Variants in PCM1 observed in about 807,000 individuals in gnomAD.
PCM1 encodes pericentriolar material 1 protein.
Under a neutral mutation model 241.9 loss-of-function variants are expected in PCM1, and 157 were observed. That is an observed-to-expected ratio of 0.65 (90% confidence interval 0.57 to 0.74). The LOEUF is 0.74. PCM1 is among the 30% of genes least tolerant of loss of function. The pLI is 0.00. For missense variants in PCM1, 3,478 were observed against 2,360.1 expected, an observed-to-expected ratio of 1.47 and a Z score of -9.81; for synonymous variants, 1,085 against 784.9, an observed-to-expected ratio of 1.38 and a Z score of -6.39.
intron 29 of PCM1, among the ~76,000 whole-genome samples, chr8:18,004,375 C>T (rs1588288964): frequency 6.6e-6 from 1 of 152,036 alleles, no homozygotes; most frequent in Non-Finnish European, 1.5e-5. Flanking sequence ...AATAGGTTTT[C>T]CATTTGACCT....
chr8:17,979,342 G>A lies in PCM1; in HGVS notation c.3944-1249G>A, dbSNP rs189454311. Among the ~76,000 whole-genome samples the A allele has an allele frequency of 6.6e-5, 10 of 152,270 alleles. No homozygotes were observed. In the East Asian group the frequency reaches 9.6e-4, roughly 15 times the overall value. ...ATGGTAGTAAATATTGGAAAAGGAA[G>A]GAAGCAAGTTTTATGTGTTCTTTTC... On this transcript the variant is annotated intron_variant, in intron 23 of 38. Coordinates refer to ENST00000325083, the MANE Select transcript of PCM1 (RefSeq NM_006197.4).
chr8:17,938,751 A>C lies in PCM1; in HGVS notation c.354A>C (p.Gly118=), dbSNP rs1464630872. 6.2e-7 allele frequency: 1 copy of C among 1,609,790 alleles called. No individual in the cohort carries two copies. The change falls in exon 5 of 39, where the codon GGA becomes GGC. Residue 118 remains glycine (G), a synonymous_variant. Coordinates refer to ENST00000325083, the MANE Select transcript of PCM1 (RefSeq NM_006197.4). ...NFSDLDQRSI[G]SDSQGRATAA... ...TTTTTCATATATAGAGAAGCATTGG[A>C]AGTGATTCCCAAGGTAGAGCAACAG...
intron 9 of PCM1, among the ~76,000 whole-genome samples, chr8:17,954,401 T>G (rs1485144668): frequency 2.1e-5 from 3 of 140,084 alleles, no homozygotes; most frequent in Admixed American, 1.5e-4. Flanking sequence ...CACTCCAGCC[T>G]GGGCAACAAA....
intron 21 of PCM1, among the ~76,000 whole-genome samples, chr8:17,968,105 A>C (rs1224449035): frequency 6.6e-6 from 1 of 152,156 alleles, no homozygotes. Flanking sequence ...AATAGAATTT[A>C]TTTCCAGAGA....
rs143473924 is a variant in PCM1, at chr8:17,985,499, T to A, written c.4161T>A (p.Ser1387=). 4.6e-5 allele frequency: 72 copies of A among 1,571,546 alleles called. No homozygotes were observed. The East Asian group carries it at 1.5e-3, about 32-fold the overall frequency. ...MFEALRDTIY[S]EVATLISQNE... is the part of the protein sequence containing the mutation. ...AAGCTTTGCGAGATACTATTTATTC[T>A]GAAGTAGCTACATTAATTTCTCAAA... The change falls in exon 25 of 39, where the codon TCT becomes TCA. Residue 1387 remains serine, a synonymous_variant. Transcript: ENST00000325083.
intron 23 of PCM1, among the ~76,000 whole-genome samples, chr8:17,974,657 T>C (rs2078032326): frequency 6.6e-6 from 1 of 152,218 alleles, no homozygotes. Context: ...TTTTAATTTT[T>C]CTGAAACCCC....
In PCM1 at chr8:18,028,767, T is replaced by C. The variant is rs185612220; in HGVS notation, c.*1105T>C. ...ATAGATTCTTCTTCCTCGAATAAAA[T>C]ACAAAGAATTAGTTCCAATAAGTAT... On this transcript the variant is annotated 3_prime_UTR_variant, in exon 39 of 39. Transcript: ENST00000325083. 4 of 193,192 alleles carry C rather than the reference T, an allele frequency of 2.1e-5. No homozygotes were observed. The highest frequency in any genetic ancestry group is 4.3e-5 in the Non-Finnish European group (4 of 92,374). 12.0% of individuals were successfully genotyped at this position (193,192 alleles called of 1,614,324 possible).
rs62498177 is a variant in PCM1 at position 17,955,004 on chromosome 8, G to A, written c.1289-466G>A. On this transcript the variant is annotated intron_variant, in intron 9 of 38. Transcript: ENST00000325083. The stretch of plus-strand genomic sequence containing the variant: ...CCCTGATCTGTGGGTATGAAAAACT[G>A]ATGAAGACCTAATCAGCTACAGCTA... 3.3e-5 allele frequency among the ~76,000 whole-genome samples: 5 copies of A among 151,904 alleles called. No homozygotes were observed. In the South Asian group the frequency reaches 1.0e-3, roughly 32 times the overall value.
At chr8:17,941,021 C>G (rs1040616796) in intron 6 of PCM1, among the ~76,000 whole-genome samples, 15 of 152,098 alleles carry the variant, frequency 9.9e-5, no homozygotes, top group Non-Finnish European at 4.4e-5. Flanking sequence ...TAATTCTTAC[C>G]TGCCTCCTTT....
intron 2 of PCM1, among the ~76,000 whole-genome samples, chr8:17,930,248 C>G (rs937361887): frequency 2.6e-5 from 4 of 151,800 alleles, no homozygotes; most frequent in African/African-American, 9.7e-5. Flanking sequence ...CTACAGGTGC[C>G]CGCCACCACG....
At chr8:18,024,022 G>C (rs1246659220) in intron 36 of PCM1, among the ~76,000 whole-genome samples, 1 of 152,172 alleles carries the variant, frequency 6.6e-6, no homozygotes, top group Non-Finnish European at 1.5e-5. Context: ...ATGGAGATCA[G>C]GCCTGAAAAT....
chr8:18,021,929 T>C (rs946358345), intron 36 of PCM1, among the ~76,000 whole-genome samples: 4 of 152,222 alleles, frequency 2.6e-5, no homozygotes, highest in African/African-American at 9.6e-5. Context: ...CAAAAGTCTA[T>C]TTCTACCAGC....
At chr8:17,942,706 T>G (rs1278687582) in intron 6 of PCM1, among the ~76,000 whole-genome samples, 1 of 149,700 alleles carries the variant, frequency 6.7e-6, no homozygotes, top group African/African-American at 2.5e-5. Context: ...ATAAAAAGAG[T>G]TTGAATAGGC....
intron 6 of PCM1, chr8:17,940,143 G>A: frequency 6.5e-7 from 1 of 1,543,874 alleles, no homozygotes; most frequent in Non-Finnish European, 8.7e-7. Context: ...TGCAGTCTGA[G>A]GCTTCAGATA....
At chr8:17,930,101 CTTTTTTT>C (rs3988353) in intron 2 of PCM1, among the ~76,000 whole-genome samples, 1 of 109,292 alleles carries the variant, frequency 9.1e-6, no homozygotes. Flanking sequence ...GGAATACTTC[CTTTTTTT>C]TTTTTTTTTT....
At chr8:17,956,031 T>G (rs556598688) in intron 10 of PCM1, 16 of 240,614 alleles carry the variant, frequency 6.6e-5, no homozygotes, top group African/African-American at 3.5e-4. Context: ...AAGCCTGTAT[T>G]TCCTCATCTG....
intron 5 of PCM1, among the ~76,000 whole-genome samples, 155 bp from the exon 6 acceptor site, chr8:17,939,536 G>C (rs907603960): frequency 3.3e-5 from 5 of 152,118 alleles, no homozygotes; most frequent in African/African-American, 1.2e-4. Context: ...GCTGGATTCA[G>C]ATTTTTTGCA....
At chr8:17,947,150 T>C (rs1790565415) in intron 6 of PCM1, 36 bp from the exon 7 acceptor site, 3 of 1,367,884 alleles carry the variant, frequency 2.2e-6, no homozygotes, top group Non-Finnish European at 3.0e-6. Context: ...TGGATTTTAA[T>C]AGTCAGATAC....
At chr8:17,967,247 G>T in intron 21 of PCM1, 77 bp downstream of exon 21, 2 of 977,738 alleles carry the variant, frequency 2.0e-6, no homozygotes, top group East Asian at 2.9e-5. Flanking sequence ...TTGCCTAGAT[G>T]TTTTAACATT....
Sources: gnomAD v4.1 joint callset for allele counts (sites outside exome capture counted in the v4.1 genomes callset) on GRCh38, gnomAD v4.1.1 for gene constraint, MANE v1.5 for transcripts, NCBI Gene and HGNC (gene_info 2026-07-23, HGNC 2026-07-21) for gene names.